The following FANK1 variants were observed in gnomAD, a reference collection of about 807,000 sequenced individuals.
The protein encoded by FANK1 is fibronectin type III and ankyrin repeat domains 1, also known as fibronectin type 3 and ankyrin repeat domains protein 1.
In FANK1, 44 loss-of-function variants were observed where a neutral mutation model predicts 45.3. The observed-to-expected ratio is 0.97, with a 90% CI of 0.76 to 1.25. The LOEUF is 1.25. Among genes scored for constraint, FANK1 ranks in the 50% most tolerant of loss-of-function variants. The pLI, the probability that FANK1 is intolerant of heterozygous loss-of-function variation, is 0.00. For synonymous variants in FANK1, 149 were observed against 152.5 expected, an observed-to-expected ratio of 0.98 and a Z score of 0.17; for missense variants, 391 against 424.4, an observed-to-expected ratio of 0.92 and a Z score of 0.69.
intron 1 of FANK1, among the ~76,000 whole-genome samples, chr10:125,912,771 G>A (rs766717056): frequency 1.1e-4 from 16 of 152,116 alleles, no homozygotes; most frequent in Non-Finnish European, 8.8e-5. Flanking sequence ...CCGAGTAGCT[G>A]GGATTACAGG....
At chr10:125,949,170 T>G (rs989032279) in intron 1 of FANK1, among the ~76,000 whole-genome samples, 21 of 151,892 alleles carry the variant, frequency 1.4e-4, no homozygotes, top group Non-Finnish European at 7.4e-5. Flanking sequence ...TCATACTGAA[T>G]GGGCAAAAAC....
At chr10:125,923,791 G>A (rs1244643395) in intron 1 of FANK1, among the ~76,000 whole-genome samples, 1 of 152,186 alleles carries the variant, frequency 6.6e-6, no homozygotes, top group Non-Finnish European at 1.5e-5. Context: ...GTCTCCCAAA[G>A]TGCTGGGATT....
chr10:125,906,201 A>C (rs1362932380), intron 1 of FANK1, among the ~76,000 whole-genome samples: 1 of 151,924 alleles, frequency 6.6e-6, no homozygotes, highest in Non-Finnish European at 1.5e-5. Flanking sequence ...ATTTGTAAAG[A>C]TCTCCCAGGT....
At chr10:125,956,204 G>GA (rs947206008) in intron 1 of FANK1, among the ~76,000 whole-genome samples, 1 of 146,180 alleles carries the variant, frequency 6.8e-6, no homozygotes, top group Non-Finnish European at 1.5e-5. Context: ...ACATTTTTTG[G>GA]GGGGGGGGCG....
rs997952450 is a variant in FANK1, at chr10:125,937,963, TATC to T, written c.13+41311_13+41313del. ...TTTACAAAGACGGAAAAAACTGAAA[TATC>T]ATACAAACAGAAGCAAGTAGACCTA... is the stretch of plus-strand genomic sequence containing the variant. On this transcript the variant is annotated intron_variant, in intron 1 of 10. Transcript: ENST00000368693. Among the ~76,000 whole-genome samples, 21 of 152,086 alleles carry T rather than the reference TATC, an allele frequency of 1.4e-4. 1 individual carries two copies. The highest frequency in any genetic ancestry group is 3.2e-3 in the Middle Eastern group (1 of 316).
rs755131914 is a variant in FANK1 at position 125,980,231 on chromosome 10, C to T, written c.84C>T (p.Tyr28=). 1 of 1,614,154 alleles carries T rather than the reference C, an allele frequency of 6.2e-7. No homozygotes were observed. Among genetic ancestry groups the T allele is most frequent in the Non-Finnish European group, 8.5e-7 (1 of 1,180,030 alleles). ...GKVTHHSIEL[Y]WDLEKKAKRQ... ...TGACTCATCACAGCATTGAATTATACTGGGATCTGGAAAAGAAAGCCAAAC... is the reference window on the plus strand; with the variant it reads ...TGACTCATCACAGCATTGAATTATATTGGGATCTGGAAAAGAAAGCCAAAC... Residue 28 remains tyrosine, a synonymous_variant, in exon 2 of 11, where the codon TAC becomes TAT. Coordinates refer to ENST00000368693, the MANE Select transcript of FANK1 (RefSeq NM_145235.5).
chr10:125,994,907 C>CT, intron 3 of FANK1: 1 of 985,384 alleles, frequency 1.0e-6, no homozygotes. Context: ...CCCCACCTTC[C>CT]TGTGGGTCGA....
At chr10:125,973,525 C>G in intron 1 of FANK1, 1 of 897,464 alleles carries the variant, frequency 1.1e-6, no homozygotes, top group African/African-American at 1.8e-5. Context: ...GTTCCTTCTT[C>G]CACATGTATC....
chr10:125,950,868 A>G (rs2134166016), intron 1 of FANK1, among the ~76,000 whole-genome samples: 1 of 149,836 alleles, frequency 6.7e-6, no homozygotes, highest in South Asian at 2.2e-4. Flanking sequence ...GATAGACTGG[A>G]TTAAGAAAAT....
intron 1 of FANK1, among the ~76,000 whole-genome samples, chr10:125,965,292 G>A (rs958292513): frequency 2.6e-5 from 4 of 152,192 alleles, no homozygotes; most frequent in Non-Finnish European, 5.9e-5. Context: ...ATATTCTTCA[G>A]TAGCACATTT....
chr10:125,965,119 C>T (rs1046562942), intron 1 of FANK1, among the ~76,000 whole-genome samples: 1 of 152,164 alleles, frequency 6.6e-6, no homozygotes, highest in African/African-American at 2.4e-5. Context: ...GCCAAGATTG[C>T]ACTCCAGCCT....
At chr10:126,005,307 C>CTTT (rs35163273) in intron 7 of FANK1, among the ~76,000 whole-genome samples, 4 of 122,266 alleles carry the variant, frequency 3.3e-5, no homozygotes, top group East Asian at 2.3e-4. Flanking sequence ...TACTTTCTTT[C>CTTT]TTTTTTTTTT....
chr10:125,947,912 A>T (rs550429058), intron 1 of FANK1, among the ~76,000 whole-genome samples: 1 of 145,118 alleles, frequency 6.9e-6, no homozygotes, highest in East Asian at 2.1e-4. Context: ...ATAACAAACT[A>T]TCTCTCAGAC....
Position 126,008,544 on chromosome 10 carries a change from C to G in FANK1, c.843C>G (p.Pro281=). Residue 281 remains proline (P), a synonymous_variant, in exon 8 of 11, where the codon CCC becomes CCG. Transcript: ENST00000368693. ...VNVKDRNGKT[P]LMVAVLNNHE... is the part of the protein sequence containing the mutation. ...TGAAGGACAGAAATGGAAAGACGCC[C>G]CTTATGGTAGGTCCTCCTCCCGAAA... is the stretch of plus-strand genomic sequence containing the variant. The G allele has an allele frequency of 6.2e-7, 1 of 1,606,054 alleles. No homozygotes were observed. Among genetic ancestry groups the G allele is most frequent in the South Asian group, 1.1e-5 (1 of 89,338 alleles).
chr10:125,903,394 A>G (rs1336343262), intron 1 of FANK1, among the ~76,000 whole-genome samples: 4 of 152,256 alleles, frequency 2.6e-5, no homozygotes, highest in African/African-American at 4.8e-5. Context: ...GGAAGAAGGG[A>G]GGAGGCATTC....
At chr10:125,944,862 A>G (rs551030052) in intron 1 of FANK1, among the ~76,000 whole-genome samples, 7 of 152,318 alleles carry the variant, frequency 4.6e-5, no homozygotes, top group African/African-American at 1.2e-4. Context: ...ATACGTGGGT[A>G]AATCTCTGTT....
intron 1 of FANK1, among the ~76,000 whole-genome samples, chr10:125,928,538 T>C (rs1947535638): frequency 6.6e-6 from 1 of 152,192 alleles, no homozygotes; most frequent in Non-Finnish European, 1.5e-5. Flanking sequence ...GCCCAGTAGG[T>C]CTCAGCCTTT....
intron 3 of FANK1, among the ~76,000 whole-genome samples, chr10:125,993,971 C>T (rs1377906094): frequency 6.6e-6 from 1 of 152,188 alleles, no homozygotes; most frequent in Non-Finnish European, 1.5e-5. Flanking sequence ...GTACATTGCC[C>T]AATTCACTTG....
At chr10:126,002,265 T>C (rs1313186177) in intron 6 of FANK1, among the ~76,000 whole-genome samples, 2 of 152,092 alleles carry the variant, frequency 1.3e-5, no homozygotes, top group African/African-American at 4.8e-5. Context: ...TGAGCCAAGA[T>C]TGTGCCAGTG....
Sources: allele counts gnomAD v4.1 joint callset (sites outside exome capture counted in the v4.1 genomes callset), GRCh38; gene constraint gnomAD v4.1.1; transcripts MANE v1.5; gene names NCBI Gene and HGNC (gene_info 2026-07-23, HGNC 2026-07-21).